Variants in FSD1L observed in about 807,000 individuals in gnomAD.
FSD1L encodes FSD1-like protein.
A neutral mutation model predicts 71.6 loss-of-function variants in FSD1L; 45 were observed. The ratio of observed to expected loss-of-function variants is 0.63; its 90% CI spans 0.49 to 0.81. The LOEUF is 0.81. FSD1L is among the 30% of genes least tolerant of loss of function. FSD1L has a pLI of 0.00. For missense variants in FSD1L, 561 were observed against 618.1 expected (o/e 0.91, Z 0.98); for synonymous variants, 197 against 207.2 (o/e 0.95, Z 0.42).
chr9:105,464,391 A>G (rs1217846409), intron 3 of FSD1L, 60 bp downstream of exon 3: 4 of 692,136 alleles, frequency 5.8e-6, no homozygotes, highest in Non-Finnish European at 9.7e-6. Context: ...AATCTGAAGT[A>G]CAAATATACT....
At chr9:105,513,486 C>A (rs966710747) in intron 10 of FSD1L, 10 of 669,620 alleles carry the variant, frequency 1.5e-5, no homozygotes, top group South Asian at 2.3e-5. Context: ...TTGTGAGTTA[C>A]AGTAATGAAT....
At chr9:105,448,735 G>A (rs759244058) in intron 1 of FSD1L, among the ~76,000 whole-genome samples, 4 of 152,122 alleles carry the variant, frequency 2.6e-5, no homozygotes, top group African/African-American at 7.2e-5. Flanking sequence ...ACCGCCCACC[G>A]CTCCCCTTCC....
At position 105,551,963 on chromosome 9, in the gene FSD1L, T is replaced by C. The variant is rs1240312140; in HGVS notation, c.*5480T>C. 1 of 152,240 alleles carries C rather than the reference T, an allele frequency of 6.6e-6. No homozygotes were observed. The highest frequency in any genetic ancestry group is 1.5e-5 in the Non-Finnish European group (1 of 68,030). The allele number at this position is 152,240 out of a possible 1,614,324, so 9.4% of individuals were successfully genotyped here. ...AACCACTGAACATTTGACAACTTTGTTGCATTATCATTTTTAAAAAAAGAT... is the reference window on the plus strand; with the variant it reads ...AACCACTGAACATTTGACAACTTTGCTGCATTATCATTTTTAAAAAAAGAT... On this transcript the variant is annotated 3_prime_UTR_variant, in exon 14 of 14. Transcript: ENST00000481272.
upstream of FSD1L, among the ~76,000 whole-genome samples, chr9:105,446,628 C>A (rs1829655699): frequency 6.6e-6 from 1 of 152,012 alleles, no homozygotes; most frequent in Non-Finnish European, 1.5e-5. Flanking sequence ...ATTGGGCCTC[C>A]CAAAGTGTTG....
At chr9:105,541,345 A>G (rs1589113653) in intron 13 of FSD1L, among the ~76,000 whole-genome samples, 1 of 108,986 alleles carries the variant, frequency 9.2e-6, no homozygotes, top group Non-Finnish European at 2.0e-5. Flanking sequence ...ATTTTTGGCT[A>G]TTTTTCCAAA....
At chr9:105,544,859 G>A (rs1416756784) in intron 13 of FSD1L, among the ~76,000 whole-genome samples, 4 of 152,248 alleles carry the variant, frequency 2.6e-5, no homozygotes, top group East Asian at 1.9e-4. Flanking sequence ...GTCAGGTAGC[G>A]TGATGCCTCC....
In FSD1L at chr9:105,496,202, CTTT is replaced by C. The variant is rs542818608; in HGVS notation, c.587-10180_587-10178del. Among the ~76,000 whole-genome samples the C allele has an allele frequency of 2.6e-4, 29 of 113,228 alleles. No individual in the cohort carries two copies. The South Asian group carries it at 5.0e-3, about 20-fold the overall frequency. 74.3% of individuals were successfully genotyped at this position (113,228 alleles called of 152,430 possible). ...CAGTACCAGGTCTTGATGACTGTAGCTTTTTTTTTTTTTTTTTTTGTGTCGGAA... is the reference window on the plus strand; with the variant it reads ...CAGTACCAGGTCTTGATGACTGTAGCTTTTTTTTTTTTTTTTGTGTCGGAA... On this transcript the variant is annotated intron_variant, in intron 7 of 13. Coordinates refer to ENST00000481272, the MANE Select transcript of FSD1L (RefSeq NM_001145313.3).
chr9:105,470,049 T>C (rs75346802), intron 4 of FSD1L, among the ~76,000 whole-genome samples: 5 of 151,958 alleles, frequency 3.3e-5, no homozygotes, highest in African/African-American at 9.7e-5. Context: ...TTAGTACCTA[T>C]GTCAGAGATC....
intron 2 of FSD1L, among the ~76,000 whole-genome samples, chr9:105,462,828 A>G (rs940758621): frequency 6.8e-4 from 10 of 14,626 alleles, no homozygotes; most frequent in African/African-American, 6.2e-3. Context: ...CTACTACAAT[A>G]CTTTATATGA....
upstream of FSD1L, chr9:105,448,013 C>A: frequency 8.4e-6 from 5 of 594,474 alleles, no homozygotes; most frequent in Middle Eastern, 4.2e-4. Context: ...GCTCCTCAGC[C>A]CCTCCCTTCT....
rs1472437321 is a variant in FSD1L at position 105,457,933 on chromosome 9, C to T, written c.16-3587C>T. 4.6e-5 allele frequency among the ~76,000 whole-genome samples: 7 copies of T among 152,338 alleles called. No individual in the cohort carries two copies. In the East Asian group the frequency reaches 7.7e-4, roughly 17 times the overall value. ...AAGTGGCTTCCTCTGTGGGTGCCTGCGTCTGGATGAAGTGAACACAGTGGT... is the reference window on the plus strand; with the variant it reads ...AAGTGGCTTCCTCTGTGGGTGCCTGTGTCTGGATGAAGTGAACACAGTGGT... On this transcript the variant is annotated intron_variant, in intron 1 of 13. Coordinates refer to ENST00000481272, the MANE Select transcript of FSD1L (RefSeq NM_001145313.3).
intron 2 of FSD1L, among the ~76,000 whole-genome samples, chr9:105,463,805 A>G (rs1333856109): frequency 6.6e-6 from 1 of 152,234 alleles, no homozygotes; most frequent in African/African-American, 2.4e-5. Flanking sequence ...TCTCTAAAAT[A>G]GGTTTATTTT....
intron 10 of FSD1L, chr9:105,520,940 C>G: frequency 6.2e-7 from 1 of 1,611,840 alleles, no homozygotes; most frequent in South Asian, 1.1e-5. Flanking sequence ...AATGGAAGAA[C>G]AAAGAAAACC....
At chr9:105,503,071 T>C (rs1352170851) in intron 7 of FSD1L, among the ~76,000 whole-genome samples, 1 of 151,730 alleles carries the variant, frequency 6.6e-6, no homozygotes. Context: ...TTTGTCAAAG[T>C]GAGATGGGGT....
chr9:105,482,960 G>A (rs554514319), intron 6 of FSD1L, among the ~76,000 whole-genome samples: 1 of 152,300 alleles, frequency 6.6e-6, no homozygotes, highest in Admixed American at 6.5e-5. Context: ...CATTTAGTAA[G>A]TACGTATCTG....
At chr9:105,479,757 C>G (rs1832048122) in intron 6 of FSD1L, among the ~76,000 whole-genome samples, 5 of 152,100 alleles carry the variant, frequency 3.3e-5, no homozygotes, top group Admixed American at 3.3e-4. Flanking sequence ...TTTCTTTGAA[C>G]TCACTCATTT....
upstream of FSD1L, among the ~76,000 whole-genome samples, chr9:105,447,599 C>T (rs1829699424): frequency 6.6e-6 from 1 of 152,098 alleles, no homozygotes; most frequent in East Asian, 1.9e-4. Context: ...TCCCTATATC[C>T]CTCCTCCCAC....
At chr9:105,479,134 G>A (rs1232100606) in intron 5 of FSD1L, among the ~76,000 whole-genome samples, 1 of 152,118 alleles carries the variant, frequency 6.6e-6, no homozygotes, top group East Asian at 1.9e-4. Flanking sequence ...CCTCCTAAAA[G>A]GTGATTTTTG....
At chr9:105,478,056 A>G (rs1161283780) in intron 5 of FSD1L, among the ~76,000 whole-genome samples, 1 of 152,108 alleles carries the variant, frequency 6.6e-6, no homozygotes, top group Non-Finnish European at 1.5e-5. Flanking sequence ...TGTCTTGTCT[A>G]ACATGGTGAA....
Sources: allele counts gnomAD v4.1 joint callset (sites outside exome capture counted in the v4.1 genomes callset), GRCh38; gene constraint gnomAD v4.1.1; transcripts MANE v1.5; gene names NCBI Gene and HGNC (gene_info 2026-07-23, HGNC 2026-07-21).